The following DIS3L2 variants were observed in gnomAD, a reference collection of about 807,000 sequenced individuals.
DIS3L2 encodes the protein DIS3-like exonuclease 2.
In DIS3L2, 34 loss-of-function variants were observed where a neutral mutation model predicts 97.5. The ratio of observed to expected loss-of-function variants is 0.35; its 90% CI spans 0.27 to 0.46. The LOEUF is 0.46. Among genes scored for constraint, DIS3L2 ranks in the 20% least tolerant of loss-of-function variants. The probability of loss-of-function intolerance (pLI) is 1.00; values close to 1 mark genes in which losing one functional copy is unlikely to be tolerated. For synonymous variants in DIS3L2, 435 were observed against 445.2 expected, an observed-to-expected ratio of 0.98 and a Z score of 0.29; for missense variants, 1,038 against 1,146.0, an observed-to-expected ratio of 0.91 and a Z score of 1.36.
At chr2:232,250,647 A>G (rs1186560323) in intron 12 of DIS3L2, among the ~76,000 whole-genome samples, 1 of 152,184 alleles carries the variant, frequency 6.6e-6, no homozygotes, top group African/African-American at 2.4e-5. Flanking sequence ...AACTTAGTGG[A>G]AGATCAGAAA....
In DIS3L2 at chr2:232,334,385, A is replaced by G. The variant is rs369726529; in HGVS notation, c.2175A>G (p.Leu725=). The change falls in exon 18 of 21, where the codon CTA becomes CTG. Residue 725 remains leucine (L), a synonymous_variant. Transcript: ENST00000325385. The part of the protein sequence containing the change: ...LAAALGYRER[L]DMAPDTLQKQ... The stretch of plus-strand genomic sequence containing the variant: ...TCTTCCCAGGCTATAGGGAGCGACT[A>G]GACATGGCGCCCGATACCCTGCAGA... 5 of 1,613,366 alleles carry G rather than the reference A, an allele frequency of 3.1e-6. No individual in the cohort carries two copies. The highest frequency in any genetic ancestry group is 1.3e-5 in the African/African-American group (1 of 74,882).
chr2:232,060,555 A>G lies in DIS3L2; in HGVS notation c.367-26932A>G, dbSNP rs569097508. ...CCAGTATCATACTGTTTTGGTTACT[A>G]TAGCTCTGTAGTATAATTTGAAGTC... On this transcript the variant is annotated intron_variant, in intron 5 of 20. Transcript: ENST00000325385. Among the ~76,000 whole-genome samples the G allele has an allele frequency of 1.5e-3, 226 of 152,208 alleles. 3 individuals are homozygous for G. The highest frequency in any genetic ancestry group is 5.3e-3 in the African/African-American group (221 of 41,542).
At chr2:232,125,039 G>T (rs11678811) in intron 6 of DIS3L2, among the ~76,000 whole-genome samples, 1,787 of 152,270 alleles carry the variant, frequency 0.012, 16 homozygotes, top group Non-Finnish European at 0.016. Context: ...TACACACACG[G>T]CTTTCCTCCT....
chr2:232,330,645 C>T (rs367837799), intron 15 of DIS3L2, 45 bp from the exon 16 acceptor site: 51 of 1,599,036 alleles, frequency 3.2e-5, no homozygotes, highest in African/African-American at 2.5e-4. Context: ...AGTCTCTGCC[C>T]GAGCTGGACC....
chr2:232,329,785 T>TCCCCGGGGCCACCC, intron 14 of DIS3L2, 28 bp from the exon 15 acceptor site: 1 of 967,144 alleles, frequency 1.0e-6, no homozygotes, highest in Non-Finnish European at 1.5e-6. Context: ...ACCCCAGCGG[T>TCCCCGGGGCCACCC]CCCTCCCATC....
At chr2:232,299,977 C>G in intron 13 of DIS3L2, 63 bp from the exon 14 acceptor site, 1 of 1,498,118 alleles carries the variant, frequency 6.7e-7, no homozygotes, top group Non-Finnish European at 9.3e-7. Context: ...TTTTTCATTT[C>G]AGCTATTGGA....
intron 5 of DIS3L2, among the ~76,000 whole-genome samples, chr2:232,076,423 G>A (rs563855662): frequency 7.2e-5 from 11 of 152,260 alleles, no homozygotes; most frequent in African/African-American, 2.6e-4. Context: ...ACTGCTGTGT[G>A]TTCTTGCTAG....
intron 7 of DIS3L2, among the ~76,000 whole-genome samples, chr2:232,132,339 G>A (rs115797898): frequency 0.019 from 2,828 of 152,202 alleles, 85 homozygotes; most frequent in African/African-American, 0.063. Flanking sequence ...ATACGTTTCC[G>A]TGCTGTCAAA....
intron 13 of DIS3L2, among the ~76,000 whole-genome samples, chr2:232,295,228 C>T (rs1179977285): frequency 6.6e-6 from 1 of 152,178 alleles, no homozygotes; most frequent in Non-Finnish European, 1.5e-5. Flanking sequence ...AACTGTTTTT[C>T]CTATTCTCCA....
intron 1 of DIS3L2, among the ~76,000 whole-genome samples, chr2:231,968,413 C>G (rs1692791553): frequency 6.6e-6 from 1 of 152,184 alleles, no homozygotes; most frequent in Non-Finnish European, 1.5e-5. Flanking sequence ...GTTTTTATCA[C>G]TGTACATTAA....
At chr2:232,226,734 G>A (rs1376746966) in intron 10 of DIS3L2, among the ~76,000 whole-genome samples, 1 of 152,204 alleles carries the variant, frequency 6.6e-6, no homozygotes, top group Non-Finnish European at 1.5e-5. Context: ...CATTTTGGGA[G>A]GCCGAGGTGG....
At chr2:232,111,491 A>G (rs1697531850) in intron 6 of DIS3L2, among the ~76,000 whole-genome samples, 1 of 152,104 alleles carries the variant, frequency 6.6e-6, no homozygotes, top group Non-Finnish European at 1.5e-5. Context: ...GGCTTATACA[A>G]GTTTTGCTTA....
At chr2:232,222,092 G>A (rs762823014) in intron 10 of DIS3L2, among the ~76,000 whole-genome samples, 24 of 151,776 alleles carry the variant, frequency 1.6e-4, no homozygotes, top group African/African-American at 5.6e-4. Context: ...ACAGGCACAC[G>A]CCACTGTGCC....
chr2:232,324,681 G>A (rs890337591), intron 14 of DIS3L2, among the ~76,000 whole-genome samples: 2 of 152,194 alleles, frequency 1.3e-5, no homozygotes, highest in African/African-American at 4.8e-5. Context: ...GAAACTTCTA[G>A]AAATGTTGCT....
At chr2:232,002,463 G>T (rs1283304589) in intron 1 of DIS3L2, among the ~76,000 whole-genome samples, 2 of 152,138 alleles carry the variant, frequency 1.3e-5, no homozygotes, top group Non-Finnish European at 2.9e-5. Context: ...GGGTAGTAAG[G>T]ACACTGTTAC....
intron 1 of DIS3L2, among the ~76,000 whole-genome samples, chr2:231,986,415 A>G (rs1693416575): frequency 6.6e-6 from 1 of 152,324 alleles, no homozygotes; most frequent in South Asian, 2.1e-4. Flanking sequence ...TATCAGATCT[A>G]TCATCTATAA....
Position 232,274,455 on chromosome 2 carries a change from G to A in DIS3L2, c.1659+11015G>A, listed in dbSNP as rs550179568. Among the ~76,000 whole-genome samples the A allele has an allele frequency of 2.0e-4, 30 of 152,316 alleles. No individual in the cohort carries two copies. In the East Asian group the frequency reaches 3.7e-3, roughly 19 times the overall value. On this transcript the variant is annotated intron_variant, in intron 13 of 20. Coordinates refer to ENST00000325385, the MANE Select transcript of DIS3L2 (RefSeq NM_152383.5). ...TTAGTAAAACCTGCATTAGGGAAGGGGAACCCTTGCAGCTGACCCTTAGAT... is the reference window on the plus strand; with the variant it reads ...TTAGTAAAACCTGCATTAGGGAAGGAGAACCCTTGCAGCTGACCCTTAGAT...
At chr2:232,055,874 G>T (rs1240791299) in intron 5 of DIS3L2, among the ~76,000 whole-genome samples, 1 of 152,196 alleles carries the variant, frequency 6.6e-6, no homozygotes, top group East Asian at 1.9e-4. Context: ...AGGAAAGAAT[G>T]CTCTTTTCAA....
chr2:232,333,176 GCCTCCTCCTCCTCCTCCTCCT>G (rs1166373912), intron 16 of DIS3L2, among the ~76,000 whole-genome samples: 495 of 26,162 alleles, frequency 0.019, 8 homozygotes, highest in Non-Finnish European at 0.03. Context: ...CTCCGCTGTC[GCCTCCTCCTCCTCCTCCTCCT>G]CCTCCTCCTC....
Sources: allele counts gnomAD v4.1 joint callset (sites outside exome capture counted in the v4.1 genomes callset), GRCh38; gene constraint gnomAD v4.1.1; transcripts MANE v1.5; gene names NCBI Gene and HGNC (gene_info 2026-07-23, HGNC 2026-07-21).